AMOTL1: variants seen among roughly 807,000 people sequenced by gnomAD.
AMOTL1 encodes angiomotin-like protein 1.
In AMOTL1, 45 loss-of-function variants were observed where a neutral mutation model predicts 102.9. The observed-to-expected ratio is 0.44, with a 90% CI of 0.34 to 0.56. AMOTL1 has a LOEUF of 0.56. AMOTL1 is among the 20% of genes least tolerant of loss of function. The pLI is 0.01. For missense variants in AMOTL1, 1,114 were observed against 1,225.6 expected, an observed-to-expected ratio of 0.91 and a Z score of 1.36; for synonymous variants, 481 against 484.7, an observed-to-expected ratio of 0.99 and a Z score of 0.10.
intron 4 of AMOTL1, among the ~76,000 whole-genome samples, chr11:94,829,156 A>G (rs1429442060): frequency 2.0e-5 from 3 of 151,550 alleles, no homozygotes; most frequent in African/African-American, 7.3e-5. Flanking sequence ...TTGGCTATCA[A>G]TTCCTGAATA....
chr11:94,787,683 G>A (rs1414373104), intron 1 of AMOTL1, among the ~76,000 whole-genome samples: 3 of 78,564 alleles, frequency 3.8e-5, no homozygotes, highest in Admixed American at 2.4e-4. Flanking sequence ...GCGAAACTCC[G>A]TCTCAAAAAA....
At chr11:94,709,101 C>T (rs1949979348) in intron 1 of AMOTL1, among the ~76,000 whole-genome samples, 1 of 152,134 alleles carries the variant, frequency 6.6e-6, no homozygotes, top group Non-Finnish European at 1.5e-5. Flanking sequence ...TTATTGAGTG[C>T]CTACTCTGTG....
chr11:94,726,022 AG>A (rs1171581495), intron 1 of AMOTL1, among the ~76,000 whole-genome samples: 1 of 152,176 alleles, frequency 6.6e-6, no homozygotes, highest in Non-Finnish European at 1.5e-5. Flanking sequence ...AGTTCAACAA[AG>A]GCTGAGGCAA....
chr11:94,744,478 TA>T (rs765389209), intron 3 of AMOTL1, among the ~76,000 whole-genome samples: 12 of 152,172 alleles, frequency 7.9e-5, no homozygotes, highest in Non-Finnish European at 1.8e-4. Context: ...GATGTTCCAT[TA>T]GGCATGATTG....
At chr11:94,819,771 G>A (rs1284717640) in intron 3 of AMOTL1, among the ~76,000 whole-genome samples, 2 of 152,136 alleles carry the variant, frequency 1.3e-5, no homozygotes, top group Non-Finnish European at 2.9e-5. Context: ...TCTTAACCTT[G>A]CAAAATAAAC....
intron 3 of AMOTL1, among the ~76,000 whole-genome samples, chr11:94,757,638 A>G (rs930926417): frequency 3.3e-5 from 5 of 152,244 alleles, no homozygotes; most frequent in Non-Finnish European, 5.9e-5. Context: ...AAGAGTCCCC[A>G]GGAGTCTGTG....
chr11:94,731,728 C>T lies in AMOTL1; in HGVS notation c.85+2673C>T, dbSNP rs73525875. On this transcript the variant is annotated intron_variant, in intron 2 of 4. Coordinates refer to the AMOTL1 transcript ENST00000299004. ...GCCTGAAGAGGCTGAGAAACTTGTA[C>T]GACATCATTCAGCTCACAAATGGCA... Among the ~76,000 whole-genome samples the T allele has an allele frequency of 2.6e-3, 402 of 152,230 alleles. 3 individuals are homozygous for T. Among genetic ancestry groups the T allele is most frequent in the African/African-American group, 8.6e-3 (358 of 41,526 alleles).
intron 1 of AMOTL1, among the ~76,000 whole-genome samples, chr11:94,792,548 C>T (rs559246203): frequency 5.3e-5 from 8 of 152,184 alleles, no homozygotes; most frequent in African/African-American, 7.2e-5. Context: ...TGGCTTTAGA[C>T]GAGTGGATGG....
chr11:94,858,677 C>T (rs1042574974), intron 8 of AMOTL1, among the ~76,000 whole-genome samples: 1 of 152,174 alleles, frequency 6.6e-6, no homozygotes, highest in Admixed American at 6.5e-5. Context: ...GCCTGGTCCA[C>T]ACTCTGACTG....
At chr11:94,712,031 T>C (rs4341498) in intron 1 of AMOTL1, among the ~76,000 whole-genome samples, 128,812 of 152,076 alleles carry the variant, frequency 0.85, 55,676 homozygotes, top group Middle Eastern at 0.94. Flanking sequence ...AATGTTTATA[T>C]AGAACGGCCA....
In AMOTL1 at chr11:94,768,398, T is replaced by A. The variant is rs1015151746; in HGVS notation, c.-114T>A. The A allele has an allele frequency of 6.6e-6, 10 of 1,515,196 alleles. No homozygotes were observed. Among genetic ancestry groups the A allele is most frequent in the Non-Finnish European group, 8.8e-6 (10 of 1,131,880 alleles). 93.9% of individuals were successfully genotyped at this position (1,515,196 alleles called of 1,614,324 possible). On this transcript the variant is annotated 5_prime_UTR_variant, in exon 1 of 13. Transcript: ENST00000433060. ...AGGACCCAGCAGCGGTTGTCGGGTT[T>A]GGGGCTGGAGGTGAAGCCCTGTGTG...
At chr11:94,725,026 T>C (rs1205399377) in intron 1 of AMOTL1, among the ~76,000 whole-genome samples, 1 of 152,168 alleles carries the variant, frequency 6.6e-6, no homozygotes, top group Non-Finnish European at 1.5e-5. Flanking sequence ...TCTGAATTTG[T>C]ATTTTTAGAT....
intron 12 of AMOTL1, 94 bp downstream of exon 12, chr11:94,869,567 C>T (rs1335665685): frequency 5.0e-6 from 7 of 1,386,956 alleles, no homozygotes; most frequent in Non-Finnish European, 6.7e-6. Context: ...AGCAGGGGCA[C>T]CCATCAGCTC....
intron 1 of AMOTL1, among the ~76,000 whole-genome samples, chr11:94,781,270 G>A (rs141876227): frequency 2.1e-3 from 314 of 152,170 alleles, no homozygotes; most frequent in African/African-American, 7.2e-3. Context: ...GGGTCCATTC[G>A]CCTGACTAAT....
rs747111318 is a variant in AMOTL1, at chr11:94,799,421, A to C, written c.231A>C (p.Pro77=). ...VEDPLCNFHS[P]NFLRISEVEM... is the part of the protein sequence containing the mutation. The stretch of plus-strand genomic sequence containing the variant: ...ATCCTCTTTGTAACTTCCACTCCCC[A>C]AACTTCCTGAGGATCTCAGAGGTGG... Residue 77 remains proline (P), a synonymous_variant, in exon 3 of 13, where the codon CCA becomes CCC. Transcript: ENST00000433060. The surrounding 1 kb of genome is among the most constrained non-coding windows in gnomAD (Gnocchi z 4.5). The C allele has an allele frequency of 3.8e-6, 6 of 1,589,792 alleles. No homozygotes were observed. The South Asian group carries it at 6.9e-5, about 18-fold the overall frequency.
At chr11:94,831,261 A>G in intron 5 of AMOTL1, among the ~76,000 whole-genome samples, 191 bp from the exon 6 acceptor site, 1 of 152,104 alleles carries the variant, frequency 6.6e-6, no homozygotes, top group East Asian at 1.9e-4. Flanking sequence ...ATAAAGACAC[A>G]GTGTGGCATC....
intron 12 of AMOTL1, 69 bp downstream of exon 12, chr11:94,869,542 T>C: frequency 6.7e-7 from 1 of 1,483,136 alleles, no homozygotes; most frequent in Non-Finnish European, 9.0e-7. Flanking sequence ...GAATCTTTTG[T>C]TGAGCTAGAG....
intron 3 of AMOTL1, among the ~76,000 whole-genome samples, chr11:94,751,577 G>T (rs764887572): frequency 9.2e-5 from 14 of 152,058 alleles, no homozygotes; most frequent in Admixed American, 9.2e-4. Context: ...GGTTTGCAAA[G>T]TGATATTACA....
intron 1 of AMOTL1, among the ~76,000 whole-genome samples, chr11:94,721,407 T>C (rs1950172357): frequency 1.3e-5 from 2 of 152,118 alleles, no homozygotes; most frequent in African/African-American, 4.8e-5. Context: ...TGTGGTGTTA[T>C]GGATTGAATG....
Sources: allele counts gnomAD v4.1 joint callset (sites outside exome capture counted in the v4.1 genomes callset), GRCh38; gene constraint gnomAD v4.1.1; non-coding constraint Gnocchi (gnomAD v3.1); transcripts MANE v1.5; gene names NCBI Gene and HGNC (gene_info 2026-07-23, HGNC 2026-07-21).